Variants in CSMD1 observed in about 807,000 individuals in gnomAD.
CSMD1 encodes the protein CUB and sushi domain-containing protein 1.
CSMD1 carries 213 observed loss-of-function variants against 417.5 expected under a neutral mutation model. The ratio of observed to expected loss-of-function variants is 0.51; its 90% confidence interval spans 0.46 to 0.57. The LOEUF is 0.57. Ranked by LOEUF, CSMD1 falls within the 20% of genes least tolerant of loss-of-function variation. The probability of loss-of-function intolerance (pLI) is 0.00; values close to 1 mark genes in which losing one functional copy is unlikely to be tolerated. For missense variants in CSMD1, 6,923 were observed against 4,529.7 expected, an observed-to-expected ratio of 1.53 and a Z score of -15.17; for synonymous variants, 2,862 against 1,736.8, an observed-to-expected ratio of 1.65 and a Z score of -16.11.
chr8:4,690,874 G>A (rs911445587), intron 1 of CSMD1, among the ~76,000 whole-genome samples: 4 of 152,130 alleles, frequency 2.6e-5, no homozygotes, highest in Non-Finnish European at 5.9e-5. Flanking sequence ...GACTATAGGT[G>A]CATGTCACCA....
intron 8 of CSMD1, among the ~76,000 whole-genome samples, chr8:3,597,279 C>T (rs1801139714): frequency 6.6e-6 from 1 of 152,098 alleles, no homozygotes; most frequent in African/African-American, 2.4e-5. Context: ...CAGAGCATCT[C>T]CCTGGGCTGA....
chr8:4,386,801 T>C (rs537508046), intron 3 of CSMD1, among the ~76,000 whole-genome samples: 12 of 152,238 alleles, frequency 7.9e-5, no homozygotes, highest in East Asian at 1.9e-4. Context: ...AATAAAAAAA[T>C]ATTCTGGGCT....
chr8:4,944,601 A>G (rs766730937), intron 1 of CSMD1, among the ~76,000 whole-genome samples: 6 of 152,226 alleles, frequency 3.9e-5, no homozygotes, highest in Non-Finnish European at 7.3e-5. Context: ...AAATTGAAAC[A>G]TTAATTCAAA....
chr8:4,458,362 G>C (rs1365508422), intron 2 of CSMD1, among the ~76,000 whole-genome samples: 1 of 151,968 alleles, frequency 6.6e-6, no homozygotes, highest in African/African-American at 2.4e-5. Flanking sequence ...TCATAATAAT[G>C]AAATTAATTT....
At chr8:3,121,479 G>C (rs1320896776) in intron 41 of CSMD1, among the ~76,000 whole-genome samples, 1 of 152,270 alleles carries the variant, frequency 6.6e-6, no homozygotes, top group Middle Eastern at 3.4e-3. Context: ...CACTATGTGA[G>C]ACAAATTCCT....
intron 35 of CSMD1, among the ~76,000 whole-genome samples, chr8:3,188,460 C>A (rs1481657868): frequency 6.6e-6 from 1 of 151,598 alleles, no homozygotes; most frequent in East Asian, 1.9e-4. Context: ...GCGTATACTA[C>A]CATGCCTGGC....
intron 10 of CSMD1, among the ~76,000 whole-genome samples, chr8:3,535,199 C>G (rs910117166): frequency 6.6e-6 from 1 of 152,072 alleles, no homozygotes; most frequent in African/African-American, 2.4e-5. Flanking sequence ...AATGATCCTT[C>G]TGTTTCAGCC....
chr8:4,730,481 C>T (rs1391179969), intron 1 of CSMD1, among the ~76,000 whole-genome samples: 2 of 152,174 alleles, frequency 1.3e-5, no homozygotes, highest in East Asian at 3.9e-4. Context: ...TGGCTCACAC[C>T]TGTAATCCCA....
intron 3 of CSMD1, among the ~76,000 whole-genome samples, chr8:4,392,607 T>C (rs939526330): frequency 6.6e-5 from 10 of 151,760 alleles, no homozygotes; most frequent in South Asian, 2.1e-4. Context: ...ATGAATTGAA[T>C]AGGATATGAG....
intron 26 of CSMD1, among the ~76,000 whole-genome samples, chr8:3,276,271 C>T (rs1024119460): frequency 1.3e-5 from 2 of 152,184 alleles, no homozygotes; most frequent in South Asian, 2.1e-4. Flanking sequence ...AGGAGGCAGT[C>T]TTCCTGTTGT....
intron 5 of CSMD1, among the ~76,000 whole-genome samples, chr8:3,862,334 C>G (rs1804772481): frequency 6.6e-6 from 1 of 152,212 alleles, no homozygotes; most frequent in African/African-American, 2.4e-5. Context: ...GGGCGTCCAC[C>G]AGGTGACCTC....
At position 2,950,270 on chromosome 8, in the gene CSMD1, T is replaced by C. The variant is rs1261861229; in HGVS notation, c.10275A>G (p.Val3425=). ...CCCAGTTGTCATTTTCGAACTTGCT[T>C]ACAAAAATATCTGCCTGGCCTTTAA... ...FQIKGQADIF[V]SKFENDNWGL... Residue 3425 remains valine, a synonymous_variant, in exon 67 of 70, where the codon GTA becomes GTG. Transcript: ENST00000635120. The C allele has an allele frequency of 1.9e-6, 3 of 1,613,342 alleles. No individual in the cohort carries two copies. In the Admixed American group the frequency reaches 5.0e-5, roughly 27 times the overall value.
At chr8:3,392,660 G>T (rs1016877765) in intron 17 of CSMD1, among the ~76,000 whole-genome samples, 1 of 152,022 alleles carries the variant, frequency 6.6e-6, no homozygotes, top group African/African-American at 2.4e-5. Flanking sequence ...AAAAGCTCAG[G>T]ATTCTGATTT....
chr8:3,533,241 G>C (rs1798053893), intron 10 of CSMD1, among the ~76,000 whole-genome samples: 1 of 152,102 alleles, frequency 6.6e-6, no homozygotes, highest in Non-Finnish European at 1.5e-5. Context: ...TATTTTTATT[G>C]ATAAGGATAG....
chr8:3,358,817 T>C (rs535293202), intron 21 of CSMD1, among the ~76,000 whole-genome samples: 54 of 152,128 alleles, frequency 3.5e-4, no homozygotes, highest in African/African-American at 1.3e-3. Context: ...TAGCTTGGCT[T>C]CTATCTTCCA....
intron 23 of CSMD1, among the ~76,000 whole-genome samples, chr8:3,331,016 C>T (rs1044658789): frequency 5.9e-5 from 9 of 151,756 alleles, no homozygotes; most frequent in African/African-American, 9.7e-5. Flanking sequence ...TTTGGGAGGC[C>T]GAGGCGGGCG....
intron 3 of CSMD1, among the ~76,000 whole-genome samples, chr8:4,284,723 G>C (rs1796967330): frequency 6.6e-6 from 1 of 152,144 alleles, no homozygotes; most frequent in African/African-American, 2.4e-5. Flanking sequence ...CGACTCCCAG[G>C]AGGGTAACTC....
intron 23 of CSMD1, among the ~76,000 whole-genome samples, chr8:3,330,162 T>C (rs28473685): frequency 8.5e-5 from 13 of 152,238 alleles, no homozygotes; most frequent in Middle Eastern, 3.4e-3. Flanking sequence ...TCTCCTTACA[T>C]TGATAAACTT....
At chr8:3,835,618 G>A (rs571422248) in intron 5 of CSMD1, among the ~76,000 whole-genome samples, 78 of 151,626 alleles carry the variant, frequency 5.1e-4, no homozygotes, top group African/African-American at 1.1e-3. Context: ...GCTAAATGAC[G>A]AGTTAATGGG....
Sources: allele counts gnomAD v4.1 joint callset (sites outside exome capture counted in the v4.1 genomes callset), GRCh38; gene constraint gnomAD v4.1.1; transcripts MANE v1.5; gene names NCBI Gene and HGNC (gene_info 2026-07-23, HGNC 2026-07-21).